The following SLC10A7 variants were observed in gnomAD, a reference collection of about 807,000 sequenced individuals.
SLC10A7 encodes solute carrier family 10 member 7, also known as sodium/bile acid cotransporter 7.
A neutral mutation model predicts 43.2 loss-of-function variants in SLC10A7; 29 were observed. The observed-to-expected ratio is 0.67, with a 90% CI of 0.50 to 0.92. SLC10A7 has a LOEUF of 0.92. SLC10A7 is among the 40% of genes least tolerant of loss of function. The probability of loss-of-function intolerance (pLI) is 0.00; values close to 1 mark genes in which losing one functional copy is unlikely to be tolerated. For synonymous variants in SLC10A7, 152 were observed against 144.8 expected, an observed-to-expected ratio of 1.05 and a Z score of -0.35; for missense variants, 295 against 403.2, an observed-to-expected ratio of 0.73 and a Z score of 2.30.
chr4:146,305,594 TA>T (rs201374314), intron 7 of SLC10A7, among the ~76,000 whole-genome samples: 10,849 of 146,340 alleles, frequency 0.074, 499 homozygotes, highest in South Asian at 0.18. Flanking sequence ...AAAAAAAACT[TA>T]AAAAAAAAAG....
At chr4:146,299,669 G>A (rs555828743) in intron 7 of SLC10A7, among the ~76,000 whole-genome samples, 1 of 152,158 alleles carries the variant, frequency 6.6e-6, no homozygotes, top group African/African-American at 2.4e-5. Flanking sequence ...GAGAGTGTTG[G>A]GGAGGTAAAA....
intron 5 of SLC10A7, chr4:146,442,035 T>C (rs1279428144): frequency 2.0e-6 from 2 of 977,440 alleles, no homozygotes; most frequent in African/African-American, 3.5e-5. Context: ...CCCCAAAAAA[T>C]ACAATATGAT....
chr4:146,390,369 C>A (rs1738336641), intron 5 of SLC10A7, among the ~76,000 whole-genome samples: 1 of 152,162 alleles, frequency 6.6e-6, no homozygotes, highest in Admixed American at 6.5e-5. Context: ...TGGCTCACAC[C>A]TGTAATCCCA....
At chr4:146,467,795 T>C (rs1214353867) in intron 4 of SLC10A7, among the ~76,000 whole-genome samples, 1 of 152,120 alleles carries the variant, frequency 6.6e-6, no homozygotes, top group African/African-American at 2.4e-5. Flanking sequence ...ACTCGTGACC[T>C]CAGGTGATTC....
chr4:146,349,306 A>G (rs1381692794), intron 5 of SLC10A7, among the ~76,000 whole-genome samples: 1 of 152,204 alleles, frequency 6.6e-6, no homozygotes, highest in Non-Finnish European at 1.5e-5. Flanking sequence ...CAAAACCACA[A>G]TGAGACACCA....
intron 5 of SLC10A7, among the ~76,000 whole-genome samples, chr4:146,403,481 G>A (rs1012279723): frequency 2.0e-5 from 3 of 152,080 alleles, no homozygotes; most frequent in Admixed American, 1.3e-4. Flanking sequence ...AGTGCTTTCC[G>A]TGAGAGGACA....
intron 5 of SLC10A7, among the ~76,000 whole-genome samples, chr4:146,364,801 C>T (rs1736281709): frequency 6.6e-6 from 1 of 151,756 alleles, no homozygotes; most frequent in South Asian, 2.1e-4. Context: ...TAACACAAAG[C>T]AATGAAAAAT....
intron 4 of SLC10A7, among the ~76,000 whole-genome samples, chr4:146,447,407 C>G (rs996105981): frequency 2.6e-5 from 4 of 152,220 alleles, no homozygotes; most frequent in Admixed American, 2.6e-4. Flanking sequence ...CCATACCCAG[C>G]TTGATTTTAA....
intron 3 of SLC10A7, among the ~76,000 whole-genome samples, chr4:146,506,325 A>G (rs1736891019): frequency 6.6e-6 from 1 of 152,196 alleles, no homozygotes; most frequent in Non-Finnish European, 1.5e-5. Flanking sequence ...TCCTACAGGA[A>G]ATAATTTTTA....
intron 5 of SLC10A7, among the ~76,000 whole-genome samples, chr4:146,355,731 C>T (rs1197831340): frequency 6.6e-6 from 1 of 151,270 alleles, no homozygotes; most frequent in East Asian, 1.9e-4. Flanking sequence ...GAGTTCATGT[C>T]CTTTGTAGGG....
At chr4:146,475,780 A>G (rs1436554551) in intron 4 of SLC10A7, among the ~76,000 whole-genome samples, 2 of 152,190 alleles carry the variant, frequency 1.3e-5, no homozygotes, top group Non-Finnish European at 2.9e-5. Context: ...ATCACGAACT[A>G]AAAAGATTTT....
chr4:146,287,678 A>G (rs1730127021), intron 9 of SLC10A7, among the ~76,000 whole-genome samples: 1 of 152,220 alleles, frequency 6.6e-6, no homozygotes, highest in East Asian at 1.9e-4. Flanking sequence ...CAGTGATTGT[A>G]GAACATGTAA....
intron 4 of SLC10A7, among the ~76,000 whole-genome samples, chr4:146,443,618 C>T (rs750146024): frequency 6.6e-6 from 1 of 152,110 alleles, no homozygotes; most frequent in Non-Finnish European, 1.5e-5. Flanking sequence ...TAGAGAGAAC[C>T]TATTTACATC....
intron 10 of SLC10A7, among the ~76,000 whole-genome samples, chr4:146,261,780 A>G (rs1225922914): frequency 1.3e-5 from 2 of 152,194 alleles, no homozygotes; most frequent in Non-Finnish European, 2.9e-5. Flanking sequence ...TGAAAATAAT[A>G]TATCAGAGAA....
At chr4:146,477,807 CT>C (rs980132467) in intron 4 of SLC10A7, 1 of 152,120 alleles carries the variant, frequency 6.6e-6, no homozygotes, top group African/African-American at 2.4e-5. Context: ...TTAAGAATAG[CT>C]TTTTGTACAT....
At position 146,386,932 on chromosome 4, in the gene SLC10A7, T is replaced by G. The variant is rs968872849; in HGVS notation, c.435+55851A>C. On this transcript the variant is annotated intron_variant, in intron 5 of 11. Coordinates refer to ENST00000335472, the MANE Select transcript of SLC10A7 (RefSeq NM_001029998.6). Reference sequence around the variant, plus strand: ...AGAGCTTAGTATAGTCTCTTACATATAGGAGATACTCAATAAACAACTACA... The same window carrying G: ...AGAGCTTAGTATAGTCTCTTACATAGAGGAGATACTCAATAAACAACTACA... Among the ~76,000 whole-genome samples the G allele has an allele frequency of 3.9e-5, 6 of 152,222 alleles. No individual in the cohort carries two copies. The South Asian group carries it at 1.0e-3, about 26-fold the overall frequency.
intron 1 of SLC10A7, among the ~76,000 whole-genome samples, chr4:146,520,448 C>T (rs751715487): frequency 3.9e-5 from 6 of 152,158 alleles, no homozygotes; most frequent in Non-Finnish European, 8.8e-5. Context: ...TACAGAAGAA[C>T]AAAATTTTAA....
chr4:146,502,838 C>T (rs565122139), intron 4 of SLC10A7, among the ~76,000 whole-genome samples: 33 of 152,178 alleles, frequency 2.2e-4, no homozygotes, highest in African/African-American at 7.7e-4. Flanking sequence ...TGACAGAGGG[C>T]AGATCAGTGG....
At chr4:146,303,372 TTTC>T (rs1236383864) in intron 7 of SLC10A7, among the ~76,000 whole-genome samples, 1 of 142,740 alleles carries the variant, frequency 7.0e-6, no homozygotes, top group African/African-American at 2.8e-5. Flanking sequence ...TTTCTTTTTC[TTTC>T]TTTTTTTTTT....
Sources: allele counts gnomAD v4.1 joint callset (sites outside exome capture counted in the v4.1 genomes callset), GRCh38; gene constraint gnomAD v4.1.1; transcripts MANE v1.5; gene names NCBI Gene and HGNC (gene_info 2026-07-23, HGNC 2026-07-21).